The following MAP4K5 variants were observed in gnomAD, a reference collection of about 807,000 sequenced individuals.
MAP4K5 encodes the protein MAPK/ERK kinase kinase kinase 5.
In MAP4K5, 82 loss-of-function variants were observed where a neutral mutation model predicts 135.6. The ratio of observed to expected loss-of-function variants is 0.60; its 90% CI spans 0.51 to 0.73. The LOEUF is 0.73. Ranked by LOEUF, MAP4K5 falls within the 30% of genes least tolerant of loss-of-function variation. The pLI, the probability that MAP4K5 is intolerant of heterozygous loss-of-function variation, is 0.00. For missense variants in MAP4K5, 907 were observed against 1,010.9 expected, an observed-to-expected ratio of 0.90 and a Z score of 1.39; for synonymous variants, 347 against 335.0, an observed-to-expected ratio of 1.04 and a Z score of -0.39.
upstream of MAP4K5, among the ~76,000 whole-genome samples, chr14:50,534,201 C>G (rs567114616): frequency 6.6e-6 from 1 of 152,100 alleles, no homozygotes; most frequent in South Asian, 2.1e-4. Flanking sequence ...TTTACACTTG[C>G]GTTACTCCAG....
At chr14:50,560,005 G>A (rs2038814970) in intron 1 of MAP4K5, 1 of 559,740 alleles carries the variant, frequency 1.8e-6, no homozygotes, top group African/African-American at 1.9e-5. Context: ...TGTCTTCACG[G>A]TCTGGGGGTG....
chr14:50,556,623 T>C (rs1275994654), intron 1 of MAP4K5, among the ~76,000 whole-genome samples: 1 of 152,192 alleles, frequency 6.6e-6, no homozygotes, highest in African/African-American at 2.4e-5. Context: ...TCATTAGCAG[T>C]CACTCTCCAA....
intron 1 of MAP4K5, among the ~76,000 whole-genome samples, chr14:50,542,955 G>T (rs981062715): frequency 6.6e-6 from 1 of 152,226 alleles, no homozygotes; most frequent in East Asian, 1.9e-4. Context: ...TTACTTGGAA[G>T]GAAGAAGATT....
chr14:50,463,149 T>C (rs895835550), intron 12 of MAP4K5, among the ~76,000 whole-genome samples: 1 of 152,204 alleles, frequency 6.6e-6, no homozygotes, highest in African/African-American at 2.4e-5. Flanking sequence ...GAAAAAAGCA[T>C]GTATATCATA....
At chr14:50,489,958 G>GT (rs971789540) in intron 3 of MAP4K5, among the ~76,000 whole-genome samples, 4 of 151,876 alleles carry the variant, frequency 2.6e-5, no homozygotes, top group African/African-American at 9.7e-5. Context: ...AGTACAGGTT[G>GT]TTTTTTTTCT....
chr14:50,487,263 A>G (rs562808275), intron 3 of MAP4K5, among the ~76,000 whole-genome samples: 1 of 152,294 alleles, frequency 6.6e-6, no homozygotes, highest in African/African-American at 2.4e-5. Flanking sequence ...AGCTGAGAGC[A>G]TGCCACTGCA....
chr14:50,481,770 C>T (rs2037248592), intron 6 of MAP4K5, among the ~76,000 whole-genome samples: 1 of 151,836 alleles, frequency 6.6e-6, no homozygotes, highest in African/African-American at 2.4e-5. Context: ...TCTCACAGGC[C>T]CTGAAGTAAA....
intron 26 of MAP4K5, among the ~76,000 whole-genome samples, chr14:50,437,140 T>C (rs1200159874): frequency 1.3e-5 from 2 of 152,094 alleles, no homozygotes; most frequent in Non-Finnish European, 2.9e-5. Flanking sequence ...TTGGCTCAAC[T>C]CCTGTAAACA....
chr14:50,486,335 C>A (rs1345866077), intron 3 of MAP4K5, 141 bp from the exon 4 acceptor site: 1 of 473,258 alleles, frequency 2.1e-6, no homozygotes, highest in Non-Finnish European at 3.7e-6. Context: ...CTGGTAGAAT[C>A]TTTCTATAAA....
At chr14:50,447,527 A>G (rs1458898690) in intron 15 of MAP4K5, 46 bp from the exon 16 acceptor site, 1 of 1,043,524 alleles carries the variant, frequency 9.6e-7, no homozygotes, top group African/African-American at 1.6e-5. Context: ...TGTAACAGGT[A>G]TTAACCATTT....
At chr14:50,484,840 CA>C (rs2037329380) in intron 5 of MAP4K5, among the ~76,000 whole-genome samples, 1 of 151,974 alleles carries the variant, frequency 6.6e-6, no homozygotes, top group South Asian at 2.1e-4. Flanking sequence ...GTAAGGTTTC[CA>C]ATATAAAGAT....
intron 16 of MAP4K5, among the ~76,000 whole-genome samples, chr14:50,446,801 A>G (rs1371241786): frequency 6.6e-6 from 1 of 152,256 alleles, no homozygotes; most frequent in Non-Finnish European, 1.5e-5. Context: ...GAAAGCAGCC[A>G]TGTACGATAC....
chr14:50,547,677 A>ACTAC (rs1352036635), intron 1 of MAP4K5, among the ~76,000 whole-genome samples: 6 of 152,200 alleles, frequency 3.9e-5, no homozygotes, highest in Admixed American at 1.3e-4. Flanking sequence ...ATGATGGTAG[A>ACTAC]CTACCATGAG....
At chr14:50,462,433 C>G (rs2036731200) in intron 13 of MAP4K5, among the ~76,000 whole-genome samples, 1 of 152,138 alleles carries the variant, frequency 6.6e-6, no homozygotes, top group Admixed American at 6.5e-5. Flanking sequence ...AGAACTAATC[C>G]TAGTTCTAAG....
At chr14:50,428,344 CT>C (rs1234390321) in intron 30 of MAP4K5, among the ~76,000 whole-genome samples, 1 of 152,116 alleles carries the variant, frequency 6.6e-6, no homozygotes, top group Non-Finnish European at 1.5e-5. Context: ...CAACCTCCGC[CT>C]CGCGGGTTCA....
upstream of MAP4K5, among the ~76,000 whole-genome samples, chr14:50,537,428 T>C (rs1009193831): frequency 6.6e-6 from 1 of 152,148 alleles, no homozygotes; most frequent in Non-Finnish European, 1.5e-5. Context: ...GAAAGGGAAA[T>C]GTGGGGTCAG....
intron 2 of MAP4K5, among the ~76,000 whole-genome samples, chr14:50,521,517 T>A (rs1425099785): frequency 6.6e-6 from 1 of 152,138 alleles, no homozygotes. Flanking sequence ...TCTTCTTGGG[T>A]AAAATAGGGA....
intron 3 of MAP4K5, among the ~76,000 whole-genome samples, chr14:50,497,071 T>G (rs893054107): frequency 6.6e-6 from 1 of 152,246 alleles, no homozygotes; most frequent in Non-Finnish European, 1.5e-5. Context: ...CATTATACAG[T>G]GAATAAATTA....
intron 5 of MAP4K5, chr14:50,482,776 G>C (rs890502776): frequency 1.4e-4 from 22 of 161,022 alleles, no homozygotes; most frequent in Non-Finnish European, 4.0e-5. Context: ...ACTCGGTCTC[G>C]GAAAAAAACA....
Sources: gnomAD v4.1 joint callset for allele counts (sites outside exome capture counted in the v4.1 genomes callset) on GRCh38, gnomAD v4.1.1 for gene constraint, MANE v1.5 for transcripts, NCBI Gene and HGNC (gene_info 2026-07-23, HGNC 2026-07-21) for gene names.